The following DSCAM variants were observed in gnomAD, a reference collection of about 807,000 sequenced individuals.
DSCAM encodes the protein cell adhesion molecule DSCAM.
In DSCAM, 47 loss-of-function variants were observed where a neutral mutation model predicts 217.7. That is an observed-to-expected ratio of 0.22 (90% CI 0.17 to 0.28). The LOEUF is 0.28. Ranked by LOEUF, DSCAM falls within the 10% of genes least tolerant of loss-of-function variation. The probability of loss-of-function intolerance (pLI) is 1.00; values close to 1 mark genes in which losing one functional copy is unlikely to be tolerated. For missense variants in DSCAM, 2,080 were observed against 2,618.3 expected (o/e 0.79, Z 4.49); for synonymous variants, 1,056 against 1,015.3 (o/e 1.04, Z -0.76).
chr21:40,268,521 A>G (rs2073570329), intron 11 of DSCAM, among the ~76,000 whole-genome samples: 2 of 152,082 alleles, frequency 1.3e-5, no homozygotes, highest in Admixed American at 6.5e-5. Flanking sequence ...AAACATTGAA[A>G]TAGGCGCAAT....
intron 11 of DSCAM, among the ~76,000 whole-genome samples, chr21:40,223,869 GC>G (rs1178829135): frequency 2.0e-5 from 3 of 152,106 alleles, no homozygotes; most frequent in Non-Finnish European, 4.4e-5. Context: ...TTTCCCACCT[GC>G]CCAGATAGGC....
intron 27 of DSCAM, among the ~76,000 whole-genome samples, chr21:40,064,116 G>GTATATATATATATATA (rs35690892): frequency 2.7e-5 from 4 of 149,050 alleles, no homozygotes; most frequent in African/African-American, 7.4e-5. Context: ...CACTTACAAA[G>GTATATATATATATATA]TATATATATA....
intron 15 of DSCAM, among the ~76,000 whole-genome samples, chr21:40,175,266 T>C (rs553598516): frequency 6.6e-6 from 1 of 152,224 alleles, no homozygotes; most frequent in African/African-American, 2.4e-5. Context: ...TGTGCCACAA[T>C]GCATGGCTAA....
intron 11 of DSCAM, among the ~76,000 whole-genome samples, chr21:40,222,484 T>C (rs1014807128): frequency 1.3e-5 from 2 of 152,152 alleles, no homozygotes; most frequent in African/African-American, 2.4e-5. Context: ...CAAAGAGCAA[T>C]AGCCATGATG....
chr21:40,120,689 C>T (rs1388108503), intron 20 of DSCAM, among the ~76,000 whole-genome samples: 2 of 152,108 alleles, frequency 1.3e-5, no homozygotes, highest in Non-Finnish European at 2.9e-5. Flanking sequence ...TATCTCATTG[C>T]ACTGTTGGAC....
Position 40,304,258 on chromosome 21 carries a change from C to T in DSCAM, c.2062+7823G>A, listed in dbSNP as rs111615632. On this transcript the variant is annotated intron_variant, in intron 9 of 32. Transcript: ENST00000400454. ...CTAACCCAGGCTATCAAACAATGTG[C>T]TAAGCTTTACAATGACCCCAGGTCA... Among the ~76,000 whole-genome samples, 375 of 152,358 alleles carry T rather than the reference C, an allele frequency of 2.5e-3. 4 individuals carry two copies. Among genetic ancestry groups the T allele is most frequent in the African/African-American group, 7.6e-3 (318 of 41,582 alleles).
intron 11 of DSCAM, among the ~76,000 whole-genome samples, chr21:40,226,717 T>A (rs1226869445): frequency 1.3e-5 from 2 of 152,224 alleles, no homozygotes; most frequent in African/African-American, 4.8e-5. Context: ...GCCATTTATG[T>A]TGTTTATACT....
chr21:40,603,539 C>T (rs1389600067), intron 3 of DSCAM, among the ~76,000 whole-genome samples: 1 of 152,052 alleles, frequency 6.6e-6, no homozygotes, highest in Non-Finnish European at 1.5e-5. Context: ...AATTTCTGAC[C>T]CATGCTATTT....
At chr21:40,640,835 A>C (rs777731708) in intron 3 of DSCAM, among the ~76,000 whole-genome samples, 2 of 150,818 alleles carry the variant, frequency 1.3e-5, no homozygotes, top group African/African-American at 4.9e-5. Flanking sequence ...CTCACACCCC[A>C]CACACACAAA....
chr21:40,314,073 GC>G (rs1376322354), intron 8 of DSCAM, among the ~76,000 whole-genome samples: 3 of 152,196 alleles, frequency 2.0e-5, no homozygotes, highest in Non-Finnish European at 2.9e-5. Context: ...GTGTGTGGCA[GC>G]AGTGAACGTG....
intron 3 of DSCAM, among the ~76,000 whole-genome samples, chr21:40,601,907 A>T (rs972975069): frequency 3.9e-5 from 6 of 152,136 alleles, no homozygotes; most frequent in African/African-American, 1.4e-4. Context: ...GTTGGATTTA[A>T]TCTGCTAGTA....
intron 26 of DSCAM, among the ~76,000 whole-genome samples, chr21:40,076,129 A>G (rs527351784): frequency 1.3e-5 from 2 of 152,286 alleles, no homozygotes; most frequent in South Asian, 4.2e-4. Flanking sequence ...TTTATCCTGC[A>G]TTTAGTAAGC....
intron 3 of DSCAM, among the ~76,000 whole-genome samples, chr21:40,586,243 C>A (rs73216103): frequency 6.2e-4 from 95 of 152,286 alleles, no homozygotes; most frequent in Middle Eastern, 3.4e-3. Flanking sequence ...CAGCCTGAAG[C>A]CCACACCAAA....
At chr21:40,716,648 A>G (rs1397382114) in intron 1 of DSCAM, among the ~76,000 whole-genome samples, 2 of 152,202 alleles carry the variant, frequency 1.3e-5, no homozygotes, top group African/African-American at 2.4e-5. Context: ...AAATAAATCA[A>G]TATTTTAGCT....
At chr21:40,415,045 T>C (rs2123803063) in intron 3 of DSCAM, among the ~76,000 whole-genome samples, 1 of 152,250 alleles carries the variant, frequency 6.6e-6, no homozygotes. Flanking sequence ...TGTGATTCCA[T>C]GGAAACAAAG....
At chr21:40,677,834 C>T (rs2090358075) in intron 3 of DSCAM, among the ~76,000 whole-genome samples, 1 of 152,020 alleles carries the variant, frequency 6.6e-6, no homozygotes, top group Non-Finnish European at 1.5e-5. Flanking sequence ...GGAAGAGAAC[C>T]CTCACCAGAC....
At chr21:40,683,693 C>T (rs574689855) in intron 3 of DSCAM, among the ~76,000 whole-genome samples, 2 of 152,016 alleles carry the variant, frequency 1.3e-5, no homozygotes, top group Non-Finnish European at 2.9e-5. Context: ...GAGGACAGCT[C>T]TTCCTGTGGG....
intron 11 of DSCAM, among the ~76,000 whole-genome samples, chr21:40,264,406 G>A (rs1056464314): frequency 2.0e-5 from 3 of 152,046 alleles, no homozygotes; most frequent in African/African-American, 4.8e-5. Context: ...CTCCACATAC[G>A]CAAGTCAAAA....
At chr21:40,785,501 T>A (rs1039541025) in intron 1 of DSCAM, among the ~76,000 whole-genome samples, 1 of 152,154 alleles carries the variant, frequency 6.6e-6, no homozygotes, top group Admixed American at 6.5e-5. Flanking sequence ...TACAGACTTT[T>A]AACAAAAAAT....
Sources: allele counts gnomAD v4.1 joint callset (sites outside exome capture counted in the v4.1 genomes callset), GRCh38; gene constraint gnomAD v4.1.1; transcripts MANE v1.5; gene names NCBI Gene and HGNC (gene_info 2026-07-23, HGNC 2026-07-21).